IMMP2L: variants seen among roughly 807,000 people sequenced by gnomAD.
IMMP2L encodes inner mitochondrial membrane peptidase subunit 2.
A neutral mutation model predicts 19.3 loss-of-function variants in IMMP2L; 18 were observed. That is an observed-to-expected ratio of 0.93 (90% confidence interval 0.64 to 1.38). The LOEUF (loss-of-function observed/expected upper bound fraction) is 1.38. Among genes scored for constraint, IMMP2L ranks in the 40% most tolerant of loss-of-function variants. The pLI is 0.00. For missense variants in IMMP2L, 233 were observed against 218.2 expected (o/e 1.07, Z -0.43); for synonymous variants, 76 against 73.0 (o/e 1.04, Z -0.21).
chr7:111,155,163 G>A (rs746789853), intron 3 of IMMP2L, among the ~76,000 whole-genome samples: 22 of 152,040 alleles, frequency 1.4e-4, no homozygotes, highest in Admixed American at 7.2e-4. Flanking sequence ...TGGCTTTTCT[G>A]TTTCTGAATT....
At chr7:110,888,897 A>G (rs1810497113) in intron 4 of IMMP2L, among the ~76,000 whole-genome samples, 1 of 152,194 alleles carries the variant, frequency 6.6e-6, no homozygotes, top group Non-Finnish European at 1.5e-5. Flanking sequence ...CAGACTACAC[A>G]GAGTGCTCAG....
At chr7:110,864,465 GCAAAA>G (rs930095265) in intron 5 of IMMP2L, among the ~76,000 whole-genome samples, 3 of 151,990 alleles carry the variant, frequency 2.0e-5, no homozygotes, top group Admixed American at 6.6e-5. Flanking sequence ...TATTTATAAA[GCAAAA>G]ATTTGACCAA....
intron 3 of IMMP2L, among the ~76,000 whole-genome samples, chr7:111,064,646 A>T (rs7802954): frequency 0.92 from 139,408 of 152,082 alleles, 64,449 homozygotes; most frequent in East Asian, 0.99. Context: ...CTGGTCTTAA[A>T]TCCAGAGGGG....
chr7:110,928,158 A>G (rs557770162), intron 4 of IMMP2L, among the ~76,000 whole-genome samples: 1 of 152,188 alleles, frequency 6.6e-6, no homozygotes, highest in East Asian at 1.9e-4. Context: ...ACAAACCCCT[A>G]AAACAGATAA....
intron 5 of IMMP2L, among the ~76,000 whole-genome samples, chr7:110,669,453 C>T (rs1791740542): frequency 6.6e-6 from 1 of 152,162 alleles, no homozygotes; most frequent in African/African-American, 2.4e-5. Context: ...AAATCTCATT[C>T]AAAAGCACAC....
chr7:111,314,814 T>C (rs1448094404), intron 3 of IMMP2L, among the ~76,000 whole-genome samples: 3 of 152,178 alleles, frequency 2.0e-5, no homozygotes, highest in African/African-American at 7.2e-5. Context: ...TAGATTTTTC[T>C]AAACAAATAG....
chr7:111,029,407 T>C (rs185836461), intron 3 of IMMP2L, among the ~76,000 whole-genome samples: 55 of 152,102 alleles, frequency 3.6e-4, no homozygotes, highest in African/African-American at 1.2e-3. Flanking sequence ...GGTGAAAAAA[T>C]GGAAACATAA....
intron 3 of IMMP2L, among the ~76,000 whole-genome samples, chr7:111,441,015 C>A (rs1362462321): frequency 6.6e-6 from 1 of 151,878 alleles, no homozygotes; most frequent in East Asian, 1.9e-4. Flanking sequence ...CCTTTCTCAA[C>A]CTTCATAGAA....
intron 5 of IMMP2L, among the ~76,000 whole-genome samples, chr7:110,796,622 C>T (rs1489665656): frequency 1.3e-5 from 2 of 151,966 alleles, no homozygotes; most frequent in African/African-American, 4.8e-5. Flanking sequence ...TCATAGACTA[C>T]TTTTCTGGAA....
At chr7:110,761,980 A>T (rs968549083) in intron 5 of IMMP2L, among the ~76,000 whole-genome samples, 4 of 151,934 alleles carry the variant, frequency 2.6e-5, no homozygotes, top group Non-Finnish European at 5.9e-5. Flanking sequence ...CCCCTGTCCC[A>T]CTCCTAGCTT....
At chr7:111,554,652 T>C (rs1293291257) in intron 1 of IMMP2L, among the ~76,000 whole-genome samples, 1 of 152,040 alleles carries the variant, frequency 6.6e-6, no homozygotes, top group African/African-American at 2.4e-5. Flanking sequence ...AGATGGAGTC[T>C]TGCTCTGTCA....
chr7:110,874,447 G>A (rs1028816525), intron 5 of IMMP2L, among the ~76,000 whole-genome samples: 1 of 152,092 alleles, frequency 6.6e-6, no homozygotes, highest in Non-Finnish European at 1.5e-5. Context: ...TCAAAAGAAA[G>A]AGCAGTGAGA....
At chr7:110,969,344 T>C (rs1355186797) in intron 3 of IMMP2L, among the ~76,000 whole-genome samples, 2 of 152,170 alleles carry the variant, frequency 1.3e-5, no homozygotes, top group Admixed American at 6.5e-5. Context: ...TCCCCTTGCA[T>C]CATGTAAATC....
At chr7:110,846,327 G>A (rs1489312081) in intron 5 of IMMP2L, among the ~76,000 whole-genome samples, 1 of 150,788 alleles carries the variant, frequency 6.6e-6, no homozygotes, top group African/African-American at 2.4e-5. Flanking sequence ...TTGCTTCACA[G>A]CGTCTCTCCA....
intron 3 of IMMP2L, among the ~76,000 whole-genome samples, chr7:111,451,261 A>C (rs1363302092): frequency 6.7e-6 from 1 of 148,930 alleles, no homozygotes; most frequent in Non-Finnish European, 1.5e-5. Flanking sequence ...ACACATGCAC[A>C]CGTATGTTTA....
intron 3 of IMMP2L, among the ~76,000 whole-genome samples, chr7:111,201,615 G>C (rs2129615535): frequency 6.6e-6 from 1 of 151,978 alleles, no homozygotes; most frequent in Admixed American, 6.6e-5. Context: ...TACTCAGTAA[G>C]TGAGGTGGGA....
rs74337473 is a variant in IMMP2L, at chr7:110,974,276, G to C, written c.240-10711C>G. Among the ~76,000 whole-genome samples, 1,376 of 152,102 alleles carry C rather than the reference G, an allele frequency of 9.0e-3. 19 individuals are homozygous for C. Among genetic ancestry groups the C allele is most frequent in the African/African-American group, 0.031 (1,289 of 41,512 alleles). ...CACTCTAACATGGGAGCTTTGCCAA[G>C]AGACATGGGCACAAACATCAGTGAT... On this transcript the variant is annotated intron_variant, in intron 3 of 5. Transcript: ENST00000405709.
intron 3 of IMMP2L, among the ~76,000 whole-genome samples, chr7:111,190,321 C>A (rs1039576250): frequency 1.3e-5 from 2 of 152,164 alleles, no homozygotes; most frequent in East Asian, 3.9e-4. Context: ...TCTGATTCTA[C>A]TAGTCCTTCA....
At chr7:111,497,173 C>A (rs184046457) in intron 2 of IMMP2L, among the ~76,000 whole-genome samples, 43 of 152,176 alleles carry the variant, frequency 2.8e-4, no homozygotes, top group African/African-American at 1.0e-3. Flanking sequence ...CACATACTAC[C>A]TGTAGGAATG....
Sources: allele counts gnomAD v4.1 joint callset (sites outside exome capture counted in the v4.1 genomes callset), GRCh38; gene constraint gnomAD v4.1.1; transcripts MANE v1.5; gene names NCBI Gene and HGNC (gene_info 2026-07-23, HGNC 2026-07-21).